ANAPC1: variants seen among roughly 807,000 people sequenced by gnomAD.
ANAPC1 encodes anaphase promoting complex subunit 1.
In ANAPC1, 36 loss-of-function variants were observed where a neutral mutation model predicts 208.0. The observed-to-expected ratio is 0.17, with a 90% CI of 0.13 to 0.23. ANAPC1 has a LOEUF of 0.23. ANAPC1 is among the 10% of genes least tolerant of loss of function. The probability of loss-of-function intolerance (pLI) is 1.00; values close to 1 mark genes in which losing one functional copy is unlikely to be tolerated. For missense variants in ANAPC1, 942 were observed against 2,011.6 expected (o/e 0.47, Z 10.17); for synonymous variants, 378 against 695.2 (o/e 0.54, Z 7.18).
At chr2:111,770,857 T>G (rs1342131250) in intron 47 of ANAPC1, among the ~76,000 whole-genome samples, 1 of 151,456 alleles carries the variant, frequency 6.6e-6, no homozygotes, top group Non-Finnish European at 1.5e-5. Flanking sequence ...TAAGTTCCAG[T>G]ATGATAACTC....
chr2:111,782,828 G>A (rs112928502), intron 42 of ANAPC1, among the ~76,000 whole-genome samples: 1 of 152,122 alleles, frequency 6.6e-6, no homozygotes, highest in African/African-American at 2.4e-5. Context: ...TATGCCTAGG[G>A]TACATGAGGT....
intron 24 of ANAPC1, among the ~76,000 whole-genome samples, chr2:111,823,684 G>T (rs1488542531): frequency 6.6e-6 from 1 of 152,068 alleles, no homozygotes; most frequent in Non-Finnish European, 1.5e-5. Context: ...GAAGAAAAAG[G>T]AACACATATT....
At chr2:111,779,209 A>C (rs1236052578) in intron 44 of ANAPC1, 1 of 158,418 alleles carries the variant, frequency 6.3e-6, no homozygotes, top group Non-Finnish European at 1.4e-5. Context: ...CGTGACCTGG[A>C]GTGCACAGCC....
At chr2:111,828,265 AC>A (rs1253540550) in intron 21 of ANAPC1, among the ~76,000 whole-genome samples, 3 of 152,326 alleles carry the variant, frequency 2.0e-5, no homozygotes, top group South Asian at 2.1e-4. Context: ...TTTTAAAAAA[AC>A]AAATAGAAAA....
intron 11 of ANAPC1, among the ~76,000 whole-genome samples, chr2:111,857,731 T>G (rs1681812111): frequency 6.6e-6 from 1 of 152,216 alleles, no homozygotes. Context: ...ACATTTTTGC[T>G]CAAGACCTTT....
chr2:111,827,508 C>A (rs985451984), intron 21 of ANAPC1, among the ~76,000 whole-genome samples: 1 of 151,240 alleles, frequency 6.6e-6, no homozygotes, highest in African/African-American at 2.5e-5. Context: ...GTCTCATTAG[C>A]TAAACATCAC....
chr2:111,810,987 C>T (rs952309942), intron 28 of ANAPC1, among the ~76,000 whole-genome samples: 5 of 151,856 alleles, frequency 3.3e-5, no homozygotes, highest in Non-Finnish European at 7.4e-5. Context: ...AATGGTCGAT[C>T]CCCCTTTGCC....
At chr2:111,877,514 C>T (rs1029280988) in intron 3 of ANAPC1, among the ~76,000 whole-genome samples, 4 of 152,192 alleles carry the variant, frequency 2.6e-5, no homozygotes, top group Non-Finnish European at 4.4e-5. Flanking sequence ...TGATGGCTCA[C>T]GCCTGTAATC....
intron 1 of ANAPC1, among the ~76,000 whole-genome samples, chr2:111,883,612 G>A (rs1023910766): frequency 3.9e-5 from 6 of 152,190 alleles, no homozygotes; most frequent in East Asian, 1.9e-4. Flanking sequence ...CCTTTCTAGA[G>A]GACGGTGAAA....
intron 40 of ANAPC1, among the ~76,000 whole-genome samples, chr2:111,784,610 G>C (rs1161853410): frequency 6.8e-6 from 1 of 147,824 alleles, no homozygotes; most frequent in Non-Finnish European, 1.5e-5. Context: ...TTCAAGCCTT[G>C]CTCCTCACAG....
At chr2:111,769,717 T>C (rs1189214735) in intron 47 of ANAPC1, among the ~76,000 whole-genome samples, 1 of 141,650 alleles carries the variant, frequency 7.1e-6, no homozygotes, top group Non-Finnish European at 1.5e-5. Flanking sequence ...AGTCTCACTT[T>C]GCCACCGGGG....
chr2:111,855,785 T>C (rs1253247722), intron 13 of ANAPC1, among the ~76,000 whole-genome samples: 2 of 152,144 alleles, frequency 1.3e-5, no homozygotes, highest in African/African-American at 4.8e-5. Context: ...AAGAATGTAA[T>C]AAAAATAAGG....
intron 21 of ANAPC1, among the ~76,000 whole-genome samples, chr2:111,828,064 G>C (rs1679933384): frequency 6.6e-6 from 1 of 151,894 alleles, no homozygotes; most frequent in Non-Finnish European, 1.5e-5. Flanking sequence ...TTAATATCTA[G>C]AGCATAAAAA....
Position 111,831,403 on chromosome 2 carries a change from A to T in ANAPC1, c.2508T>A (p.Phe836Leu). 6.2e-7 allele frequency: 1 copy of T among 1,610,768 alleles called. No individual in the cohort carries two copies. Among genetic ancestry groups the T allele is most frequent in the Non-Finnish European group, 8.5e-7 (1 of 1,179,300 alleles). The part of the protein sequence containing the change: ...GQTGFMHHPS[F>L]FTSEPPSIYQ... The stretch of plus-strand genomic sequence containing the variant: ...AAATACTTGGTGGCTCAGACGTAAA[A>T]AATGATGGATGATGCATAAATCCTG... Residue 836 changes from phenylalanine to leucine, a missense_variant, in exon 21 of 48, where the codon TTT becomes TTA. Physicochemically the swap from Phe to Leu is conservative, Grantham distance 22. Coordinates refer to ENST00000341068, the MANE Select transcript of ANAPC1 (RefSeq NM_022662.4).
At chr2:111,777,860 T>C (rs1677071406) in intron 45 of ANAPC1, among the ~76,000 whole-genome samples, 1 of 152,180 alleles carries the variant, frequency 6.6e-6, no homozygotes, top group East Asian at 1.9e-4. Context: ...TTATTTCTCT[T>C]AGACACTGAG....
chr2:111,823,557 G>C (rs1679665723), intron 24 of ANAPC1, among the ~76,000 whole-genome samples: 1 of 152,044 alleles, frequency 6.6e-6, no homozygotes, highest in Admixed American at 6.5e-5. Flanking sequence ...CAATAGAATG[G>C]GTAATTAAAT....
Position 111,863,789 on chromosome 2 carries a change from G to A in ANAPC1, c.938C>T (p.Ser313Phe), listed in dbSNP as rs768278432. ...ATTCTGGAAAGGTGAAGTCACAGGGGAATCTCCTTTGGAGAGGCTTCTGAG... is the reference window on the plus strand; with the variant it reads ...ATTCTGGAAAGGTGAAGTCACAGGGAAATCTCCTTTGGAGAGGCTTCTGAG... ...AHLRSLSKGD[S>F]PVTSPFQNYS... The change falls in exon 9 of 48, where the codon TCC becomes TTC. Residue 313 changes from serine (S) to phenylalanine (F), a missense_variant. Coordinates refer to ENST00000341068, the MANE Select transcript of ANAPC1 (RefSeq NM_022662.4). The A allele has an allele frequency of 4.3e-6, 7 of 1,613,846 alleles. No homozygotes were observed. Among genetic ancestry groups the A allele is most frequent in the Non-Finnish European group, 5.9e-6 (7 of 1,179,886 alleles).
At chr2:111,841,135 A>G (rs2104489043) in intron 17 of ANAPC1, among the ~76,000 whole-genome samples, 1 of 152,276 alleles carries the variant, frequency 6.6e-6, no homozygotes, top group South Asian at 2.1e-4. Flanking sequence ...GCTGAAATAG[A>G]CACAAACTCT....
intron 16 of ANAPC1, among the ~76,000 whole-genome samples, chr2:111,844,092 G>A (rs1490944120): frequency 1.3e-5 from 2 of 151,944 alleles, no homozygotes; most frequent in African/African-American, 2.4e-5. Flanking sequence ...AAAGCACTGG[G>A]ATTACAGGTG....
Sources: allele counts gnomAD v4.1 joint callset (sites outside exome capture counted in the v4.1 genomes callset), GRCh38; gene constraint gnomAD v4.1.1; transcripts MANE v1.5; gene names NCBI Gene and HGNC (gene_info 2026-07-23, HGNC 2026-07-21).